Variants in RASSF3 observed in about 807,000 individuals in gnomAD.
RASSF3 encodes the protein ras association domain-containing protein 3.
A neutral mutation model predicts 19.9 loss-of-function variants in RASSF3; 19 were observed. That is an observed-to-expected ratio of 0.96 (90% CI 0.67 to 1.40). The LOEUF (loss-of-function observed/expected upper bound fraction) is 1.40, where lower values mean the gene tolerates loss of function less well. RASSF3 is among the 40% of genes most tolerant of loss of function. RASSF3 has a pLI of 0.00. For missense variants in RASSF3, 306 were observed against 289.8 expected (o/e 1.06, Z -0.41); for synonymous variants, 110 against 104.2 (o/e 1.06, Z -0.34).
intron 1 of RASSF3, among the ~76,000 whole-genome samples, chr12:64,645,857 C>T (rs559773055): frequency 1.3e-5 from 2 of 152,288 alleles, no homozygotes; most frequent in South Asian, 4.1e-4. Flanking sequence ...ATTTCTGTTA[C>T]CCAGGAAGGT....
chr12:64,610,583 TG>T lies in RASSF3; in HGVS notation c.-48del. On this transcript the variant is annotated 5_prime_UTR_variant, in exon 1 of 5. Transcript: ENST00000542104. Reference sequence around the variant, plus strand: ...GCTGGCGGGCGCCGCACCCCCTCCCTGGCCGCCTGCGCCCCGGGGAGGCCGC... The same window carrying T: ...GCTGGCGGGCGCCGCACCCCCTCCCTGCCGCCTGCGCCCCGGGGAGGCCGC... 3.4e-6 allele frequency: 4 copies of T among 1,181,000 alleles called. No homozygotes were observed. The highest frequency in any genetic ancestry group is 4.5e-6 in the Non-Finnish European group (4 of 892,210). 73.2% of individuals were successfully genotyped at this position (1,181,000 alleles called of 1,614,324 possible).
At chr12:64,550,720 A>G (rs1869144158) in intron 2 of RASSF3, among the ~76,000 whole-genome samples, 1 of 149,706 alleles carries the variant, frequency 6.7e-6, no homozygotes. Flanking sequence ...GCTACTTGGA[A>G]GGCTGAAGTG....
chr12:64,570,142 T>G (rs570844223), intron 2 of RASSF3, among the ~76,000 whole-genome samples: 2 of 152,320 alleles, frequency 1.3e-5, no homozygotes, highest in Non-Finnish European at 2.9e-5. Context: ...ACTCAGACTT[T>G]GGCCTATAAA....
chr12:64,516,615 T>G, intron 1 of RASSF3, among the ~76,000 whole-genome samples: 1 of 112,482 alleles, frequency 8.9e-6, no homozygotes, highest in African/African-American at 4.2e-5. Flanking sequence ...CGAGACTCCG[T>G]CTCAAAAAAA....
intron 1 of RASSF3, among the ~76,000 whole-genome samples, chr12:64,639,369 T>G (rs78689302): frequency 0.12 from 19,001 of 152,180 alleles, 1,578 homozygotes; most frequent in African/African-American, 0.23. Flanking sequence ...TGTATTTTTT[T>G]TTTTTGTATA....
At chr12:64,591,676 C>G (rs751265972) in intron 2 of RASSF3, among the ~76,000 whole-genome samples, 5 of 152,026 alleles carry the variant, frequency 3.3e-5, no homozygotes, top group Admixed American at 6.6e-5. Context: ...TTTTTGTGTG[C>G]GTGCCTCTAA....
At chr12:64,571,653 G>C (rs932470070) in intron 2 of RASSF3, among the ~76,000 whole-genome samples, 1 of 152,134 alleles carries the variant, frequency 6.6e-6, no homozygotes, top group Non-Finnish European at 1.5e-5. Flanking sequence ...TTCTGATCTG[G>C]TGTTAACAGC....
chr12:64,515,544 ACTT>A (rs1416455802), intron 1 of RASSF3: 2 of 151,736 alleles, frequency 1.3e-5, no homozygotes, highest in Non-Finnish European at 1.5e-5. Context: ...CTTGAGTCCT[ACTT>A]CTTCTTCATT....
At chr12:64,631,180 G>A (rs1289943350) in intron 1 of RASSF3, among the ~76,000 whole-genome samples, 4 of 152,208 alleles carry the variant, frequency 2.6e-5, no homozygotes, top group African/African-American at 9.7e-5. Flanking sequence ...TGTCCATGGA[G>A]GAACCAAGGA....
At chr12:64,584,340 G>C (rs1314170300) in intron 2 of RASSF3, among the ~76,000 whole-genome samples, 1 of 151,976 alleles carries the variant, frequency 6.6e-6, no homozygotes, top group African/African-American at 2.4e-5. Context: ...GAGGGGAAGA[G>C]GGACCTTTCA....
chr12:64,541,606 C>T (rs1465338017), exon 2 of RASSF3: 2 of 398,486 alleles, frequency 5.0e-6, no homozygotes, highest in Non-Finnish European at 8.8e-6. Flanking sequence ...GTCATGCTCA[C>T]TGCCGAGACC....
intron 1 of RASSF3, among the ~76,000 whole-genome samples, chr12:64,623,370 A>G (rs1329054021): frequency 3.3e-5 from 5 of 152,246 alleles, no homozygotes; most frequent in Admixed American, 6.5e-5. Flanking sequence ...GAACTCTGAG[A>G]TGAGAAATTT....
chr12:64,636,972 C>T (rs1214642786), intron 1 of RASSF3, among the ~76,000 whole-genome samples: 1 of 151,754 alleles, frequency 6.6e-6, no homozygotes, highest in Non-Finnish European at 1.5e-5. Context: ...GAACTTTGTA[C>T]TAGATACAGT....
intron 2 of RASSF3, among the ~76,000 whole-genome samples, chr12:64,569,061 G>A (rs1312148089): frequency 6.6e-6 from 1 of 152,174 alleles, no homozygotes; most frequent in African/African-American, 2.4e-5. Context: ...AGGTCAACTA[G>A]GGAGTCTCAA....
chr12:64,642,575 AAAAAAAAAAAAAAGAT>A (rs2136184089), intron 1 of RASSF3, among the ~76,000 whole-genome samples: 1 of 148,512 alleles, frequency 6.7e-6, no homozygotes, highest in African/African-American at 2.5e-5. Context: ...AAAAAAAAAA[AAAAAAAAAAAAAAGAT>A]TCATCAAAAC....
intron 2 of RASSF3, among the ~76,000 whole-genome samples, chr12:64,574,390 C>A (rs919213187): frequency 6.6e-6 from 1 of 151,070 alleles, no homozygotes; most frequent in Non-Finnish European, 1.5e-5. Context: ...GAAATGGGAG[C>A]AATTGTTCTT....
rs187516302 is a variant in RASSF3 at position 64,632,082 on chromosome 12, G to C, written c.111+21339G>C. Among the ~76,000 whole-genome samples, 140 of 152,246 alleles carry C rather than the reference G, an allele frequency of 9.2e-4. 1 individual carries two copies. The East Asian group carries it at 0.019, about 21-fold the overall frequency. ...CTAGAAATGTGTATATAATACAAGA[G>C]GGGGTGACTAGGCCTTTCAGTTGGT... On this transcript the variant is annotated intron_variant, in intron 1 of 4. Transcript: ENST00000542104.
chr12:64,568,219 ACAGGGGTTTCAC>A (rs1869462220), intron 2 of RASSF3, among the ~76,000 whole-genome samples: 1 of 151,602 alleles, frequency 6.6e-6, no homozygotes, highest in Non-Finnish European at 1.5e-5. Context: ...TTTAGTAGAG[ACAGGGGTTTCAC>A]CATGTTGGCC....
intron 1 of RASSF3, among the ~76,000 whole-genome samples, chr12:64,624,056 C>A (rs1870895517): frequency 1.3e-5 from 2 of 151,890 alleles, no homozygotes; most frequent in South Asian, 2.1e-4. Context: ...GGGGTTTGAT[C>A]CTTGGCTGTC....
Sources: allele counts gnomAD v4.1 joint callset (sites outside exome capture counted in the v4.1 genomes callset), GRCh38; gene constraint gnomAD v4.1.1; transcripts MANE v1.5; gene names NCBI Gene and HGNC (gene_info 2026-07-23, HGNC 2026-07-21).